The following B3GAT1 variants were observed in gnomAD, a reference collection of about 807,000 sequenced individuals.
B3GAT1 encodes galactosylgalactosylxylosylprotein 3-beta-glucuronosyltransferase 1.
In B3GAT1, 11 loss-of-function variants were observed where a neutral mutation model predicts 28.4. That is an observed-to-expected ratio of 0.39 (90% CI 0.24 to 0.64). The LOEUF is 0.64. Among genes scored for constraint, B3GAT1 ranks in the 30% least tolerant of loss-of-function variants. B3GAT1 has a pLI of 0.50. For missense variants in B3GAT1, 375 were observed against 491.0 expected (o/e 0.76, Z 2.23); for synonymous variants, 255 against 223.1 (o/e 1.14, Z -1.27).
intron 1 of B3GAT1, among the ~76,000 whole-genome samples, chr11:134,409,082 A>G (rs1357757395): frequency 6.6e-6 from 1 of 152,220 alleles, no homozygotes; most frequent in Non-Finnish European, 1.5e-5. Flanking sequence ...GATTAAATTA[A>G]AATTCATCTA....
rs901059449 is a variant in B3GAT1 at position 134,393,094 on chromosome 11, C to T, written c.-281-5154G>A. Among the ~76,000 whole-genome samples, 4 of 152,092 alleles carry T rather than the reference C, an allele frequency of 2.6e-5. No homozygotes were observed. The highest frequency in any genetic ancestry group is 5.9e-5 in the Non-Finnish European group (4 of 68,022). ...GTTCCCAAAGGCCTGCATGCGTGTG[C>T]GTGGTAGGTTACAAACAAGCTCAGA... On this transcript the variant is annotated intron_variant, in intron 1 of 5. Coordinates refer to ENST00000312527, the MANE Select transcript of B3GAT1 (RefSeq NM_054025.3). The surrounding 1 kb of genome is among the most constrained non-coding windows in gnomAD (Gnocchi z 4.0).
At position 134,383,637 on chromosome 11, in the gene B3GAT1, C is replaced by T. The variant is rs1297888637; in HGVS notation, c.621+43G>A. 12 of 1,483,132 alleles carry T rather than the reference C, an allele frequency of 8.1e-6. No homozygotes were observed. The East Asian group carries it at 9.7e-5, about 12-fold the overall frequency. The allele number at this position is 1,483,132 out of a possible 1,614,324, so 91.9% of individuals were successfully genotyped here. ...CTTCTCGGGAAGCCCCTCCACTCCC[C>T]GCAGCCGGAGGTCCCGCTGCTCACT... is the stretch of plus-strand genomic sequence containing the variant. On this transcript the variant is annotated intron_variant, in intron 3 of 5. Transcript: ENST00000312527.
At chr11:134,409,152 C>T (rs923565385) in intron 1 of B3GAT1, among the ~76,000 whole-genome samples, 10 of 152,260 alleles carry the variant, frequency 6.6e-5, no homozygotes, top group Non-Finnish European at 1.2e-4. Flanking sequence ...GCCAGGAAGC[C>T]GGGGCTTAGA....
chr11:134,384,718 C>G (rs1944233525), intron 2 of B3GAT1: 1 of 153,746 alleles, frequency 6.5e-6, no homozygotes, highest in Non-Finnish European at 1.4e-5. Context: ...CTCAAGCCCT[C>G]CAGTCAAGCG....
At chr11:134,401,613 AC>A (rs1159542112) in intron 1 of B3GAT1, among the ~76,000 whole-genome samples, 3 of 152,112 alleles carry the variant, frequency 2.0e-5, no homozygotes, top group Non-Finnish European at 2.9e-5. Flanking sequence ...TTGAAAAACT[AC>A]CTACTGGTTA....
At position 134,382,037 on chromosome 11, in the gene B3GAT1, A is replaced by C. The variant is rs1367242806; in HGVS notation, c.919-13T>G. 1.2e-6 allele frequency: 2 copies of C among 1,613,782 alleles called. No individual in the cohort carries two copies. The highest frequency in any genetic ancestry group is 1.3e-5 in the African/African-American group (1 of 75,032). ...GCCACACCAGGATCTGTGTGCCCAGAGATGCAAAACATGGTGGGACAGGCC... is the reference window on the plus strand; with the variant it reads ...GCCACACCAGGATCTGTGTGCCCAGCGATGCAAAACATGGTGGGACAGGCC... On this transcript the variant is annotated splice_polypyrimidine_tract_variant and intron_variant, in intron 4 of 5. Coordinates refer to ENST00000312527, the MANE Select transcript of B3GAT1 (RefSeq NM_054025.3).
rs1262781429 is a variant in B3GAT1, at chr11:134,412,225, C to A, written c.-700G>T. Among the ~76,000 whole-genome samples, 2 of 145,068 alleles carry A rather than the reference C, an allele frequency of 1.4e-5. No homozygotes were observed. The highest frequency in any genetic ancestry group is 3.1e-5 in the Non-Finnish European group (2 of 65,410). ...GTCCCCGAGGTGGCGGCGGATGCGC[C>A]GGTGCCGCCGCGGCTCTGCCGGCGC... On this transcript the variant is annotated 5_prime_UTR_variant, in exon 1 of 6. Transcript: ENST00000312527.
intron 2 of B3GAT1, 47 bp from the exon 3 acceptor site, chr11:134,384,235 G>C (rs1019793586): frequency 2.7e-6 from 4 of 1,506,212 alleles, no homozygotes; most frequent in East Asian, 2.3e-5. Flanking sequence ...CGCCGGCTAC[G>C]GCCCTGGATT....
chr11:134,382,716 G>A lies in B3GAT1; in HGVS notation c.912C>T (p.Cys304=). The A allele has an allele frequency of 6.2e-7, 1 of 1,612,970 alleles. No individual in the cohort carries two copies. The highest frequency in any genetic ancestry group is 8.5e-7 in the Non-Finnish European group (1 of 1,179,120). The change falls in exon 4 of 6, where the codon TGC becomes TGT. Residue 304 remains cysteine (C), a synonymous_variant. Transcript: ENST00000312527. ...LNDLEPKAAN[C]TKILVWHTRT... is the part of the protein sequence containing the mutation. ...GTTCTGCGGAGGGTCTCACCTTGGT[G>A]CAGTTGGCTGCCTTGGGCTCCAGGT...
At chr11:134,384,266 C>A in intron 2 of B3GAT1, 78 bp from the exon 3 acceptor site, 7 of 1,449,204 alleles carry the variant, frequency 4.8e-6, no homozygotes, top group Non-Finnish European at 5.4e-6. Flanking sequence ...CGCCACCCAC[C>A]CTGCCAGGGC....
chr11:134,397,560 TTCCCACCCAGAGGGCAGTGCCCC>T (rs1944529387), intron 1 of B3GAT1, among the ~76,000 whole-genome samples: 5 of 141,084 alleles, frequency 3.5e-5, no homozygotes, highest in African/African-American at 1.5e-4. Context: ...CAGTGCCCCA[TTCCCACCCAGAGGGCAGTGCCCC>T]ATTCCCACCC....
Position 134,382,072 on chromosome 11 carries a change from A to C in B3GAT1, c.919-48T>G, listed in dbSNP as rs774377876. The C allele has an allele frequency of 1.4e-5, 21 of 1,532,954 alleles. 2 individuals carry two copies. In the South Asian group the frequency reaches 2.2e-4, roughly 16 times the overall value. 95.0% of individuals were successfully genotyped at this position (1,532,954 alleles called of 1,614,324 possible). On this transcript the variant is annotated intron_variant, in intron 4 of 5. Transcript: ENST00000312527. Reference sequence around the variant, plus strand: ...CATGGTGGGACAGGCCCCTGACCTCACTCTGCTGCCTCCCTGCTCCCTCCC... The same window carrying C: ...CATGGTGGGACAGGCCCCTGACCTCCCTCTGCTGCCTCCCTGCTCCCTCCC...
chr11:134,383,875 C>A lies in B3GAT1; in HGVS notation c.426G>T (p.Thr142=), dbSNP rs757387177. 1 of 1,596,242 alleles carries A rather than the reference C, an allele frequency of 6.3e-7. No individual in the cohort carries two copies. The highest frequency in any genetic ancestry group is 2.3e-5 in the East Asian group (1 of 44,322). The change falls in exon 3 of 6, where the codon ACG becomes ACT. Residue 142 remains threonine, a synonymous_variant. Coordinates refer to ENST00000312527, the MANE Select transcript of B3GAT1 (RefSeq NM_054025.3). ...TGCGGGGCGTCTCCACGTGCAGGTGCGTGTAGTTGAGGCCGGTGTCGCGCA... is the reference window on the plus strand; with the variant it reads ...TGCGGGGCGTCTCCACGTGCAGGTGAGTGTAGTTGAGGCCGGTGTCGCGCA... The part of the protein sequence containing the change: ...RLLRDTGLNY[T]HLHVETPRNY...
At chr11:134,384,510 G>A (rs1224928543) in intron 2 of B3GAT1, 5 of 386,396 alleles carry the variant, frequency 1.3e-5, no homozygotes, top group African/African-American at 2.1e-5. Context: ...CCTATGAAAA[G>A]GCGTCCCGAC....
intron 1 of B3GAT1, among the ~76,000 whole-genome samples, chr11:134,398,230 C>G (rs1944542392): frequency 6.6e-6 from 1 of 152,202 alleles, no homozygotes; most frequent in South Asian, 2.1e-4. Context: ...TATTCACAGG[C>G]ACGTGTCTGC....
intron 1 of B3GAT1, among the ~76,000 whole-genome samples, chr11:134,407,796 G>A (rs1944763699): frequency 1.3e-5 from 2 of 151,958 alleles, no homozygotes; most frequent in South Asian, 4.2e-4. Flanking sequence ...CACTAGATTT[G>A]GACTTTTGGA....
In B3GAT1 at chr11:134,393,444, C is replaced by T. The variant is rs368849212; in HGVS notation, c.-281-5504G>A. 2.2e-4 allele frequency among the ~76,000 whole-genome samples: 34 copies of T among 152,302 alleles called. 1 individual carries two copies. The highest frequency in any genetic ancestry group is 6.3e-4 in the African/African-American group (26 of 41,568). On this transcript the variant is annotated intron_variant, in intron 1 of 5. Transcript: ENST00000312527. This position sits in a 1 kb window ranked among gnomAD's most constrained non-coding sequence, Gnocchi z 4.0. ...TGACATCAGCCACATCGCAGCATCC[C>T]GCTGCGATCTCGTTTTGATTTCTTC... is the stretch of plus-strand genomic sequence containing the variant.
intron 1 of B3GAT1, among the ~76,000 whole-genome samples, chr11:134,409,094 T>G (rs1944798637): frequency 6.6e-6 from 1 of 152,318 alleles, no homozygotes; most frequent in South Asian, 2.1e-4. Flanking sequence ...ATTCATCTAG[T>G]ATTTCTTCTA....
rs1265106747 is a variant in B3GAT1 at position 134,393,709 on chromosome 11, G to A, written c.-281-5769C>T. 2.6e-5 allele frequency among the ~76,000 whole-genome samples: 4 copies of A among 152,320 alleles called. No homozygotes were observed. The highest frequency in any genetic ancestry group is 3.9e-4 in the East Asian group (2 of 5,182). On this transcript the variant is annotated intron_variant, in intron 1 of 5. Coordinates refer to ENST00000312527, the MANE Select transcript of B3GAT1 (RefSeq NM_054025.3). This position sits in a 1 kb window ranked among gnomAD's most constrained non-coding sequence, Gnocchi z 4.0. ...TGCTGTGAACAGGCTGGGAACCGGCGTCACTGACTCTTGAGGGCGTGGGCT... is the reference window on the plus strand; with the variant it reads ...TGCTGTGAACAGGCTGGGAACCGGCATCACTGACTCTTGAGGGCGTGGGCT...
Sources: gnomAD v4.1 joint callset for allele counts (sites outside exome capture counted in the v4.1 genomes callset) on GRCh38, gnomAD v4.1.1 for gene constraint, Gnocchi (gnomAD v3.1) non-coding constraint, MANE v1.5 for transcripts, NCBI Gene and HGNC (gene_info 2026-07-23, HGNC 2026-07-21) for gene names.